The following DNAH7 variants were observed in gnomAD, a reference collection of about 807,000 sequenced individuals.
The protein encoded by DNAH7 is axonemal beta dynein heavy chain 7.
Under a neutral mutation model 444.6 loss-of-function variants are expected in DNAH7, and 397 were observed. The observed-to-expected ratio is 0.89, with a 90% CI of 0.82 to 0.97. DNAH7 has a LOEUF of 0.97. DNAH7 is among the 50% of genes least tolerant of loss of function. The pLI, the probability that DNAH7 is intolerant of heterozygous loss-of-function variation, is 0.00. For missense variants in DNAH7, 4,902 were observed against 4,800.8 expected (o/e 1.02, Z -0.62); for synonymous variants, 1,636 against 1,624.4 (o/e 1.01, Z -0.17).
chr2:195,991,220 C>T (rs907295345), intron 12 of DNAH7, among the ~76,000 whole-genome samples: 4 of 151,942 alleles, frequency 2.6e-5, no homozygotes, highest in African/African-American at 9.7e-5. Context: ...TGCCTACTCC[C>T]AATTTTGGGA....
chr2:195,899,571 T>C (rs1686566607), intron 28 of DNAH7, among the ~76,000 whole-genome samples: 1 of 152,196 alleles, frequency 6.6e-6, no homozygotes, highest in South Asian at 2.1e-4. Flanking sequence ...GAATTCTTGA[T>C]AACATTATTA....
chr2:196,055,898 C>A (rs1213314941), intron 2 of DNAH7, among the ~76,000 whole-genome samples: 2 of 152,216 alleles, frequency 1.3e-5, no homozygotes, highest in Non-Finnish European at 2.9e-5. Context: ...TGAGCTATTT[C>A]TCCAAGTCTC....
rs1687272745 is a variant in DNAH7 at position 195,910,181 on chromosome 2, G to T, written c.3950C>A (p.Ala1317Asp). 2.5e-6 allele frequency: 4 copies of T among 1,608,996 alleles called. No homozygotes were observed. In the East Asian group the frequency reaches 8.9e-5, roughly 36 times the overall value. The stretch of plus-strand genomic sequence containing the variant: ...TGCTCCTCCAAGGTGCAAATGAAGG[G>T]CTCCAAATAAGGTTCTGAAACATAT... The part of the protein sequence containing the change: ...TDRCYRTLFG[A>D]LHLHLGGAPE... Residue 1317 changes from alanine (A) to aspartate (D), a missense_variant, in exon 25 of 65, where the codon GCC becomes GAC. Coordinates refer to ENST00000312428, the MANE Select transcript of DNAH7 (RefSeq NM_018897.3).
intron 24 of DNAH7, among the ~76,000 whole-genome samples, chr2:195,912,592 A>C (rs1281770110): frequency 1.3e-5 from 2 of 152,182 alleles, no homozygotes; most frequent in Non-Finnish European, 2.9e-5. Flanking sequence ...CAGCCCGAGA[A>C]GGCATTTTCC....
intron 57 of DNAH7, among the ~76,000 whole-genome samples, chr2:195,787,767 C>T (rs1695693686): frequency 6.6e-6 from 1 of 151,968 alleles, no homozygotes; most frequent in Non-Finnish European, 1.5e-5. Flanking sequence ...GACACATGTC[C>T]CCTGCAGCTG....
intron 48 of DNAH7, among the ~76,000 whole-genome samples, chr2:195,827,959 A>G (rs1242605222): frequency 6.6e-6 from 1 of 152,152 alleles, no homozygotes; most frequent in Non-Finnish European, 1.5e-5. Flanking sequence ...TTCTCAAAAT[A>G]AAGAGAATAG....
At chr2:195,740,605 G>GTATA (rs1692947621) in intron 64 of DNAH7, among the ~76,000 whole-genome samples, 161 bp downstream of exon 64, 3 of 54,852 alleles carry the variant, frequency 5.5e-5, no homozygotes, top group African/African-American at 2.0e-4. Flanking sequence ...GTGTGTGTGT[G>GTATA]TGTGTGTGTG....
chr2:195,936,937 C>A, intron 19 of DNAH7, 145 bp from the exon 20 acceptor site: 1 of 655,106 alleles, frequency 1.5e-6, no homozygotes, highest in South Asian at 3.3e-5. Context: ...TAAAAGTAGT[C>A]TTGCATATTC....
chr2:195,924,271 A>G (rs1688199737), intron 22 of DNAH7, among the ~76,000 whole-genome samples: 1 of 152,186 alleles, frequency 6.6e-6, no homozygotes, highest in Non-Finnish European at 1.5e-5. Flanking sequence ...AATAAAGCCT[A>G]CCAGAGCCAA....
At chr2:195,809,659 TTTTA>T in intron 52 of DNAH7, 82 bp downstream of exon 52, 1 of 1,224,440 alleles carries the variant, frequency 8.2e-7, no homozygotes, top group Non-Finnish European at 1.1e-6. Flanking sequence ...TTTACAATCT[TTTTA>T]TATATATTCC....
chr2:196,055,078 G>C (rs915471762), intron 2 of DNAH7, among the ~76,000 whole-genome samples: 1 of 152,164 alleles, frequency 6.6e-6, no homozygotes, highest in African/African-American at 2.4e-5. Flanking sequence ...GGTGAGGCTG[G>C]GCACAATGGC....
chr2:195,972,518 C>T (rs771161490), intron 15 of DNAH7, 52 bp from the exon 16 acceptor site: 500 of 1,358,048 alleles, frequency 3.7e-4, no homozygotes, highest in Admixed American at 1.0e-3. Context: ...GCTCATGTCA[C>T]GAAACAGCCT....
intron 2 of DNAH7, among the ~76,000 whole-genome samples, chr2:196,057,045 G>A (rs546400577): frequency 6.6e-6 from 1 of 152,228 alleles, no homozygotes; most frequent in South Asian, 2.1e-4. Flanking sequence ...AAGCCCGAAG[G>A]TCCGTAATTA....
chr2:196,054,048 G>C (rs1031763070), intron 2 of DNAH7, among the ~76,000 whole-genome samples: 1 of 152,114 alleles, frequency 6.6e-6, no homozygotes, highest in Non-Finnish European at 1.5e-5. Flanking sequence ...CTGAGATTTC[G>C]ACTTCCATTT....
At chr2:195,871,229 C>G (rs553909876) in intron 40 of DNAH7, among the ~76,000 whole-genome samples, 1 of 152,242 alleles carries the variant, frequency 6.6e-6, no homozygotes, top group South Asian at 2.1e-4. Context: ...TTTAAAAGAC[C>G]TTTTGAAATT....
intron 25 of DNAH7, among the ~76,000 whole-genome samples, chr2:195,909,709 T>C (rs1421740904): frequency 1.3e-5 from 2 of 152,162 alleles, no homozygotes; most frequent in Non-Finnish European, 2.9e-5. Context: ...GTTAAAGATG[T>C]CTTTAGAATC....
intron 14 of DNAH7, among the ~76,000 whole-genome samples, chr2:195,985,573 GGCA>G (rs1574951246): frequency 6.6e-6 from 1 of 152,056 alleles, no homozygotes; most frequent in East Asian, 1.9e-4. Flanking sequence ...ACCATGCAGG[GGCA>G]AGAAGTGGAA....
intron 1 of DNAH7, among the ~76,000 whole-genome samples, chr2:196,066,377 C>T (rs1020046435): frequency 3.3e-5 from 5 of 152,134 alleles, no homozygotes; most frequent in African/African-American, 1.2e-4. Flanking sequence ...AATGACATTT[C>T]AAAAACATGA....
At chr2:196,004,034 A>G (rs775664546) in intron 10 of DNAH7, among the ~76,000 whole-genome samples, 1 of 152,238 alleles carries the variant, frequency 6.6e-6, no homozygotes. Flanking sequence ...TTTATTTAAC[A>G]TGACTATTTC....
Sources: allele counts gnomAD v4.1 joint callset (sites outside exome capture counted in the v4.1 genomes callset), GRCh38; gene constraint gnomAD v4.1.1; transcripts MANE v1.5; gene names NCBI Gene and HGNC (gene_info 2026-07-23, HGNC 2026-07-21).